Variants in DPPA2 observed in about 807,000 individuals in gnomAD.
DPPA2 encodes developmental pluripotency associated 2, also known as developmental pluripotency-associated protein 2.
Under a neutral mutation model 36.2 loss-of-function variants are expected in DPPA2, and 26 were observed. The ratio of observed to expected loss-of-function variants is 0.72; its 90% CI spans 0.53 to 1.00. DPPA2 has a LOEUF of 1.00. Among genes scored for constraint, DPPA2 ranks in the 50% least tolerant of loss-of-function variants. DPPA2 has a pLI of 0.00. For missense variants in DPPA2, 361 were observed against 365.1 expected (o/e 0.99, Z 0.09); for synonymous variants, 113 against 123.2 (o/e 0.92, Z 0.55).
chr3:109,305,230 A>G (rs1195634245), intron 6 of DPPA2, among the ~76,000 whole-genome samples: 4 of 152,132 alleles, frequency 2.6e-5, no homozygotes, highest in African/African-American at 7.2e-5. Flanking sequence ...TTTGTGTCCA[A>G]TATTTTGCTA....
At position 109,300,455 on chromosome 3, in the gene DPPA2, G is replaced by T; in HGVS notation, c.855-20C>A. 6.2e-7 allele frequency: 1 copy of T among 1,612,228 alleles called. No individual in the cohort carries two copies. Among genetic ancestry groups the T allele is most frequent in the Non-Finnish European group, 8.5e-7 (1 of 1,178,422 alleles). On this transcript the variant is annotated intron_variant, in intron 7 of 8. Coordinates refer to ENST00000478945, the MANE Select transcript of DPPA2 (RefSeq NM_138815.4). ...TTATTCCTGTAAGGCAAGTAGAAAA[G>T]AACTGTGAAATATTGCTACAGCAAG...
At chr3:109,313,514 C>T (rs1235872999) in intron 2 of DPPA2, among the ~76,000 whole-genome samples, 3 of 152,220 alleles carry the variant, frequency 2.0e-5, no homozygotes, top group Non-Finnish European at 4.4e-5. Context: ...CTCTACAGTA[C>T]ACAGGCACTA....
At position 109,309,171 on chromosome 3, in the gene DPPA2, T is replaced by G; in HGVS notation, c.341A>C (p.Lys114Thr). ...CQQLGLSTNG[K>T]KIEVYLRLHR... Reference sequence around the variant, plus strand: ...AGATATTCACCCAAGTGTACTAACCTTGCCATTAGTACTCAAACCGAGTTG... The same window carrying G: ...AGATATTCACCCAAGTGTACTAACCGTGCCATTAGTACTCAAACCGAGTTG... The change falls in exon 4 of 9, where the codon AAG becomes ACG. Residue 114 changes from lysine to threonine, a missense_variant and splice_region_variant. Lys to Thr is a moderately conservative substitution (Grantham distance 78). Coordinates refer to ENST00000478945, the MANE Select transcript of DPPA2 (RefSeq NM_138815.4). 1 of 1,614,160 alleles carries G rather than the reference T, an allele frequency of 6.2e-7. No individual in the cohort carries two copies. Among genetic ancestry groups the G allele is most frequent in the South Asian group, 1.1e-5 (1 of 91,084 alleles).
At chr3:109,314,036 G>A (rs1187399796) in intron 2 of DPPA2, among the ~76,000 whole-genome samples, 1 of 152,038 alleles carries the variant, frequency 6.6e-6, no homozygotes, top group Non-Finnish European at 1.5e-5. Context: ...GCCACTGGGA[G>A]TAGATATTTC....
chr3:109,306,908 G>A (rs1437662376), intron 6 of DPPA2, among the ~76,000 whole-genome samples: 1 of 151,788 alleles, frequency 6.6e-6, no homozygotes, highest in African/African-American at 2.4e-5. Context: ...GTGACCTCAG[G>A]TGATTCACGT....
At chr3:109,299,457 C>G (rs988059789) in intron 8 of DPPA2, among the ~76,000 whole-genome samples, 2 of 151,896 alleles carry the variant, frequency 1.3e-5, no homozygotes, top group African/African-American at 4.8e-5. Flanking sequence ...GCGGAGGTTG[C>G]AGTGAGCTGA....
At chr3:109,295,770 CAG>C (rs1176517440) in intron 8 of DPPA2, among the ~76,000 whole-genome samples, 2 of 151,858 alleles carry the variant, frequency 1.3e-5, no homozygotes, top group African/African-American at 4.8e-5. Context: ...GAATTTAAAA[CAG>C]TGTTGATTAA....
intron 2 of DPPA2, 143 bp from the exon 3 acceptor site, chr3:109,312,835 G>T: frequency 1.8e-6 from 2 of 1,096,602 alleles, no homozygotes; most frequent in Non-Finnish European, 2.5e-6. Context: ...AGAATGTGAT[G>T]TTGATTAGCA....
In DPPA2 at chr3:109,300,373, T is replaced by A. The variant is rs1707436694; in HGVS notation, c.*20A>T. 6.2e-7 allele frequency: 1 copy of A among 1,611,438 alleles called. No homozygotes were observed. The highest frequency in any genetic ancestry group is 8.5e-7 in the Non-Finnish European group (1 of 1,177,778). ...GGTGGCATATTCTCATCTCTTACAT[T>A]GTATTCAAACAGGTTGCTGCTACTT... On this transcript the variant is annotated splice_region_variant and 3_prime_UTR_variant, in exon 8 of 9. Coordinates refer to ENST00000478945, the MANE Select transcript of DPPA2 (RefSeq NM_138815.4).
intron 7 of DPPA2, among the ~76,000 whole-genome samples, chr3:109,304,097 C>T (rs902556115): frequency 1.3e-5 from 2 of 152,012 alleles, no homozygotes; most frequent in East Asian, 3.9e-4. Context: ...TGGTGAAACC[C>T]TTTCTCTACT....
At chr3:109,305,774 CAAAA>C (rs35410330) in intron 6 of DPPA2, among the ~76,000 whole-genome samples, 1 of 83,576 alleles carries the variant, frequency 1.2e-5, no homozygotes, top group Non-Finnish European at 2.5e-5. Flanking sequence ...AACTCCATCT[CAAAA>C]AAAAAAAAAA....
At chr3:109,295,247 TG>T (rs1326073408) in intron 8 of DPPA2, 1 of 151,426 alleles carries the variant, frequency 6.6e-6, no homozygotes, top group Non-Finnish European at 1.5e-5. Flanking sequence ...TGGCCAGGTG[TG>T]GTGGCTCACA....
intron 7 of DPPA2, among the ~76,000 whole-genome samples, chr3:109,304,090 T>C (rs938209584): frequency 2.6e-5 from 4 of 151,902 alleles, no homozygotes; most frequent in Non-Finnish European, 5.9e-5. Flanking sequence ...ACCAACATGG[T>C]GAAACCCTTT....
intron 2 of DPPA2, among the ~76,000 whole-genome samples, chr3:109,313,158 G>A (rs1003486338): frequency 2.0e-5 from 3 of 152,128 alleles, no homozygotes; most frequent in Admixed American, 6.6e-5. Flanking sequence ...TTTCTGCACC[G>A]ATTGTTCCAT....
chr3:109,314,640 C>T, intron 1 of DPPA2, 85 bp from the exon 2 acceptor site: 1 of 1,312,962 alleles, frequency 7.6e-7, no homozygotes, highest in East Asian at 2.4e-5. Flanking sequence ...CAAATGTTTC[C>T]TTCTACTTCC....
chr3:109,309,283 T>C lies in DPPA2; in HGVS notation c.229A>G (p.Arg77Gly). 1.2e-6 allele frequency: 2 copies of C among 1,614,166 alleles called. No homozygotes were observed. Among genetic ancestry groups the C allele is most frequent in the East Asian group, 4.5e-5 (2 of 44,886 alleles). Residue 77 changes from arginine (R) to glycine (G), a missense_variant, in exon 4 of 9, where the codon AGA (arginine) becomes GGA (glycine). Transcript: ENST00000478945. Reference sequence around the variant, plus strand: ...AAGGGAAGGGCTGGTATTTTGCATCTAGCTTTTTGTGGAGCTGTAAATTGC... The same window carrying C: ...AAGGGAAGGGCTGGTATTTTGCATCCAGCTTTTTGTGGAGCTGTAAATTGC... ...NEQFTAPQKARCKIPALPLPT... is the reference protein window; with the variant it reads ...NEQFTAPQKAGCKIPALPLPT...
chr3:109,308,983 G>A (rs372379947), intron 5 of DPPA2, 43 bp downstream of exon 5: 19 of 1,612,736 alleles, frequency 1.2e-5, no homozygotes, highest in Non-Finnish European at 1.7e-6. Context: ...GACGAATCAT[G>A]ATCAGAACCC....
At chr3:109,310,407 CA>C (rs147915128) in intron 3 of DPPA2, among the ~76,000 whole-genome samples, 665 of 63,446 alleles carry the variant, frequency 0.01, no homozygotes, top group African/African-American at 0.014. Flanking sequence ...GACTCTGTCT[CA>C]AAAAAAAAAA....
intron 7 of DPPA2, among the ~76,000 whole-genome samples, chr3:109,301,887 A>G (rs1418816899): frequency 6.6e-6 from 1 of 152,020 alleles, no homozygotes; most frequent in Non-Finnish European, 1.5e-5. Flanking sequence ...CACATGTTCT[A>G]CTCTAAGTTA....
Sources: allele counts gnomAD v4.1 joint callset (sites outside exome capture counted in the v4.1 genomes callset), GRCh38; gene constraint gnomAD v4.1.1; transcripts MANE v1.5; gene names NCBI Gene and HGNC (gene_info 2026-07-23, HGNC 2026-07-21).